CD4: variants seen among roughly 807,000 people sequenced by gnomAD.
CD4 encodes T-cell surface glycoprotein CD4.
In CD4, 25 loss-of-function variants were observed where a neutral mutation model predicts 50.5. The observed-to-expected ratio is 0.49, with a 90% CI of 0.36 to 0.69. The LOEUF is 0.69. Among genes scored for constraint, CD4 ranks in the 30% least tolerant of loss-of-function variants. The pLI is 0.00. For synonymous variants in CD4, 207 were observed against 221.9 expected (o/e 0.93, Z 0.60); for missense variants, 456 against 548.5 (o/e 0.83, Z 1.68).
intron 6 of CD4, 33 bp from the exon 7 acceptor site, chr12:6,817,097 G>A (rs200819740): frequency 6.3e-7 from 1 of 1,582,352 alleles, no homozygotes; most frequent in African/African-American, 1.3e-5. Flanking sequence ...CTGAATCTCA[G>A]GCCTTTGATC....
chr12:6,795,406 G>T (rs1942348051), intron 1 of CD4, among the ~76,000 whole-genome samples: 1 of 152,130 alleles, frequency 6.6e-6, no homozygotes, highest in South Asian at 2.1e-4. Context: ...TAACAAAGAT[G>T]GAGTCACTTT....
chr12:6,790,237 G>A (rs193030897), intron 1 of CD4, among the ~76,000 whole-genome samples: 1 of 152,204 alleles, frequency 6.6e-6, no homozygotes, highest in East Asian at 1.9e-4. Context: ...TCCAAAAATT[G>A]ACACCAAATA....
intron 1 of CD4, among the ~76,000 whole-genome samples, chr12:6,795,300 A>T (rs1942345349): frequency 7.2e-6 from 1 of 138,256 alleles, no homozygotes; most frequent in Admixed American, 7.4e-5. Flanking sequence ...CTATCTGTCC[A>T]TCCATCTATC....
chr12:6,793,694 ATCTATCTATC>A (rs1565488194), intron 1 of CD4, among the ~76,000 whole-genome samples: 1 of 38,662 alleles, frequency 2.6e-5, no homozygotes, highest in Non-Finnish European at 5.1e-5. Flanking sequence ...CTATCTATCT[ATCTATCTATC>A]TTTTTTTTTT....
chr12:6,789,890 A>G (rs28989523), intron 1 of CD4, among the ~76,000 whole-genome samples: 6,074 of 152,312 alleles, frequency 0.04, 410 homozygotes, highest in African/African-American at 0.14. Flanking sequence ...TGCACAGCTC[A>G]GTGTCCAGAG....
chr12:6,810,472 G>C (rs1464024289), intron 3 of CD4, among the ~76,000 whole-genome samples: 1 of 152,148 alleles, frequency 6.6e-6, no homozygotes, highest in African/African-American at 2.4e-5. Context: ...TGTGTGCCTA[G>C]AACTGAGGAG....
At chr12:6,815,183 C>A in intron 5 of CD4, 191 bp downstream of exon 5, 1 of 568,658 alleles carries the variant, frequency 1.8e-6, no homozygotes, top group Non-Finnish European at 3.1e-6. Context: ...TGATTGGCAG[C>A]CACCCCTCAG....
Position 6,818,945 on chromosome 12 carries a change from GGGAAAGGGGGAGGGGGAGGGAGTTA to G in CD4, c.1346+33_1346+57del. On this transcript the variant is annotated intron_variant, in intron 9 of 9. Transcript: ENST00000011653. The surrounding 1 kb of genome is among the most constrained non-coding windows in gnomAD (Gnocchi z 5.0). ...GATCTGGGAGGAGGGGTTGAGAGAGGGGAAAGGGGGAGGGGGAGGGAGTTAGAGAGGAGGGGGAGGAAGGGGAGCA... is the reference window on the plus strand; with the variant it reads ...GATCTGGGAGGAGGGGTTGAGAGAGGGAGAGGAGGGGGAGGAAGGGGAGCA... The G allele has an allele frequency of 2.7e-6, 3 of 1,123,464 alleles. No individual in the cohort carries two copies. The highest frequency in any genetic ancestry group is 4.0e-6 in the Non-Finnish European group (3 of 743,878). The allele number at this position is 1,123,464 out of a possible 1,614,324, so 69.6% of individuals were successfully genotyped here.
intron 1 of CD4, among the ~76,000 whole-genome samples, chr12:6,791,813 C>A (rs929725202): frequency 6.6e-6 from 1 of 152,124 alleles, no homozygotes; most frequent in African/African-American, 2.4e-5. Flanking sequence ...GCCTGGGAGA[C>A]GGAGGCTGCA....
intron 1 of CD4, among the ~76,000 whole-genome samples, chr12:6,790,898 C>T (rs907225514): frequency 3.3e-5 from 5 of 152,210 alleles, no homozygotes; most frequent in South Asian, 2.1e-4. Flanking sequence ...ACATTTTTAT[C>T]GGGGCAAGGC....
Position 6,819,706 on chromosome 12 carries a change from C to T in CD4, c.*377C>T, listed in dbSNP as rs1591569538. The T allele has an allele frequency of 8.6e-6, 2 of 233,386 alleles. No homozygotes were observed. Among genetic ancestry groups the T allele is most frequent in the East Asian group, 2.3e-4 (2 of 8,886 alleles). The allele number at this position is 233,386 out of a possible 1,614,324, so 14.5% of individuals were successfully genotyped here. A position where few individuals can be genotyped will look rare whatever the true frequency, so the allele number is the denominator to read the frequency against. ...CATGGAGCATGGGACTGTTCTTTTA[C>T]AAGACAGGACCCTGGGACCACAGAG... On this transcript the variant is annotated 3_prime_UTR_variant, in exon 10 of 10. Transcript: ENST00000011653.
At chr12:6,794,523 C>T (rs375717557) in intron 1 of CD4, among the ~76,000 whole-genome samples, 8 of 151,770 alleles carry the variant, frequency 5.3e-5, no homozygotes, top group African/African-American at 1.9e-4. Context: ...AGACGTGCGT[C>T]ACCATGCCCA....
rs1555118432 is a variant in CD4 at position 6,818,384 on chromosome 12, GA to G, written c.1157-36del. 6.2e-7 allele frequency: 1 copy of G among 1,609,498 alleles called. No individual in the cohort carries two copies. The highest frequency in any genetic ancestry group is 1.7e-5 in the Admixed American group (1 of 60,008). ...GTCCTCAGTCCCCTGGCCCGTGGAG[GA>G]GGGCGGTGCATTGAGCACATTTCTC... On this transcript the variant is annotated intron_variant, in intron 7 of 9. Transcript: ENST00000011653. The surrounding 1 kb of genome is among the most constrained non-coding windows in gnomAD (Gnocchi z 5.0).
intron 1 of CD4, among the ~76,000 whole-genome samples, chr12:6,793,400 C>T (rs1035077399): frequency 6.6e-6 from 1 of 152,134 alleles, no homozygotes; most frequent in Non-Finnish European, 1.5e-5. Flanking sequence ...TCCCCTCTTT[C>T]ATCCCCTGCT....
At chr12:6,812,771 TTGTGTGTGTGTG>T (rs782347075) in intron 3 of CD4, among the ~76,000 whole-genome samples, 1 of 57,560 alleles carries the variant, frequency 1.7e-5, no homozygotes, top group Non-Finnish European at 4.4e-5. Context: ...AAGGTTATTT[TTGTGTGTGTGTG>T]TGTGTGTGTG....
chr12:6,790,496 T>C (rs1942123657), intron 1 of CD4, among the ~76,000 whole-genome samples: 1 of 152,244 alleles, frequency 6.6e-6, no homozygotes, highest in South Asian at 2.1e-4. Flanking sequence ...TGCAGATACA[T>C]ATCTTTAGAT....
intron 5 of CD4, 182 bp from the exon 6 acceptor site, chr12:6,815,874 G>C: frequency 6.6e-7 from 1 of 1,520,444 alleles, no homozygotes; most frequent in Non-Finnish European, 8.8e-7. Context: ...GAAAATGCTG[G>C]GTGGAAGAAG....
chr12:6,813,968 G>A (rs2137911614), intron 3 of CD4, 174 bp from the exon 4 acceptor site: 2 of 611,622 alleles, frequency 3.3e-6, no homozygotes, highest in Middle Eastern at 4.7e-4. Flanking sequence ...GTCCCAGCCA[G>A]GTAAATGGAT....
intron 5 of CD4, 87 bp downstream of exon 5, chr12:6,815,079 T>C: frequency 1.1e-6 from 1 of 936,216 alleles, no homozygotes; most frequent in Non-Finnish European, 1.6e-6. Context: ...TGTTTCTGGT[T>C]CTGGTGCTGG....
Sources: allele counts gnomAD v4.1 joint callset (sites outside exome capture counted in the v4.1 genomes callset), GRCh38; gene constraint gnomAD v4.1.1; non-coding constraint Gnocchi (gnomAD v3.1); transcripts MANE v1.5; gene names NCBI Gene and HGNC (gene_info 2026-07-23, HGNC 2026-07-21).